CAMTA1: variants seen among roughly 807,000 people sequenced by gnomAD.
CAMTA1 encodes calmodulin-binding transcription activator 1.
CAMTA1 carries 27 observed loss-of-function variants against 170.9 expected under a neutral mutation model. That is an observed-to-expected ratio of 0.16 (90% confidence interval 0.12 to 0.22). The LOEUF is 0.22. Among genes scored for constraint, CAMTA1 ranks in the 10% least tolerant of loss-of-function variants. CAMTA1 has a pLI of 1.00. For missense variants in CAMTA1, 1,619 were observed against 2,217.2 expected, an observed-to-expected ratio of 0.73 and a Z score of 5.42; for synonymous variants, 833 against 891.5, an observed-to-expected ratio of 0.93 and a Z score of 1.17.
chr1:7,445,708 G>A (rs1410230286), intron 5 of CAMTA1, among the ~76,000 whole-genome samples: 3 of 152,238 alleles, frequency 2.0e-5, no homozygotes, highest in Admixed American at 6.5e-5. Flanking sequence ...CATGGTAGAA[G>A]AGTCTGGAAC....
chr1:7,414,550 G>A (rs1237423853), intron 5 of CAMTA1, among the ~76,000 whole-genome samples: 3 of 152,200 alleles, frequency 2.0e-5, no homozygotes, highest in Non-Finnish European at 4.4e-5. Context: ...TTGCGTAGAG[G>A]TGTTTGTAGT....
At chr1:7,122,714 C>T (rs542082911) in intron 4 of CAMTA1, among the ~76,000 whole-genome samples, 238 of 152,118 alleles carry the variant, frequency 1.6e-3, no homozygotes, top group Non-Finnish European at 2.7e-3. Flanking sequence ...GGCTCCACGT[C>T]TGATGCTGGA....
At chr1:7,337,144 C>A (rs964389645) in intron 5 of CAMTA1, among the ~76,000 whole-genome samples, 5 of 152,162 alleles carry the variant, frequency 3.3e-5, no homozygotes. Context: ...TTGGTGAGTC[C>A]GTAGTGGCCT....
At chr1:7,535,917 T>C (rs1348212486) in intron 6 of CAMTA1, among the ~76,000 whole-genome samples, 1 of 152,244 alleles carries the variant, frequency 6.6e-6, no homozygotes, top group Admixed American at 6.5e-5. Flanking sequence ...CTCCGGTCTT[T>C]TTGCTGTTGT....
At chr1:7,651,804 G>A (rs963643011) in intron 7 of CAMTA1, among the ~76,000 whole-genome samples, 4 of 152,268 alleles carry the variant, frequency 2.6e-5, no homozygotes, top group African/African-American at 4.8e-5. Context: ...AGTGCATGAG[G>A]GAAACAGCTG....
chr1:7,746,943 TTCC>T (rs1284793245), intron 18 of CAMTA1, among the ~76,000 whole-genome samples: 1 of 152,206 alleles, frequency 6.6e-6, no homozygotes, highest in Non-Finnish European at 1.5e-5. Context: ...AGCCTTGATT[TTCC>T]TATTCTACCT....
chr1:7,454,530 G>A (rs898220278), intron 5 of CAMTA1, among the ~76,000 whole-genome samples: 1 of 152,202 alleles, frequency 6.6e-6, no homozygotes, highest in Non-Finnish European at 1.5e-5. Flanking sequence ...ATGTGCAGGC[G>A]AGTTTCAAAC....
intron 5 of CAMTA1, among the ~76,000 whole-genome samples, chr1:7,297,167 C>T (rs965149032): frequency 5.9e-5 from 9 of 152,286 alleles, no homozygotes; most frequent in African/African-American, 2.2e-4. Context: ...CAATTTTAAT[C>T]CATGAACATG....
At chr1:7,107,278 A>ATGTGTATG (rs1643689632) in intron 4 of CAMTA1, among the ~76,000 whole-genome samples, 1 of 142,332 alleles carries the variant, frequency 7.0e-6, no homozygotes, top group African/African-American at 2.7e-5. Context: ...GTGTGTGTGC[A>ATGTGTATG]TGTGTGTGTG....
chr1:7,448,103 C>T (rs754895028), intron 5 of CAMTA1, among the ~76,000 whole-genome samples: 38 of 152,208 alleles, frequency 2.5e-4, no homozygotes, highest in Non-Finnish European at 4.9e-4. Context: ...GTTTGCAGAG[C>T]AGAGAGGGAG....
intron 3 of CAMTA1, among the ~76,000 whole-genome samples, chr1:6,884,538 A>G (rs944951364): frequency 2.0e-5 from 3 of 152,136 alleles, no homozygotes; most frequent in Non-Finnish European, 4.4e-5. Context: ...AGGTTAATGG[A>G]TGCCCCAATT....
At chr1:7,049,963 G>A (rs975428358) in intron 3 of CAMTA1, among the ~76,000 whole-genome samples, 8 of 152,160 alleles carry the variant, frequency 5.3e-5, no homozygotes, top group African/African-American at 1.7e-4. Context: ...TAAATGTCAC[G>A]AGCCCAGTGG....
chr1:7,326,836 T>C (rs558194388), intron 5 of CAMTA1, among the ~76,000 whole-genome samples: 1 of 151,450 alleles, frequency 6.6e-6, no homozygotes, highest in African/African-American at 2.4e-5. Context: ...AGGGAGTGAG[T>C]AGGAAAGAAC....
Position 7,399,332 on chromosome 1 carries a change from G to A in CAMTA1, c.439-68498G>A, listed in dbSNP as rs531749399. 3.3e-5 allele frequency among the ~76,000 whole-genome samples: 5 copies of A among 152,256 alleles called. 1 individual carries two copies. In the South Asian group the frequency reaches 1.0e-3, roughly 32 times the overall value. On this transcript the variant is annotated intron_variant, in intron 5 of 22. Coordinates refer to ENST00000303635, the MANE Select transcript of CAMTA1 (RefSeq NM_015215.4). ...GCTTCCATTTTCCTTCCTGCCATGA[G>A]TGGAAGCAGCCTGTAGCCCTCACCA...
intron 6 of CAMTA1, among the ~76,000 whole-genome samples, chr1:7,607,458 G>T (rs2095495346): frequency 6.6e-6 from 1 of 151,854 alleles, no homozygotes; most frequent in South Asian, 2.1e-4. Flanking sequence ...TGGATGGATG[G>T]ATGGGTGGAT....
At chr1:7,186,653 G>T (rs145888920) in intron 4 of CAMTA1, among the ~76,000 whole-genome samples, 35 of 152,278 alleles carry the variant, frequency 2.3e-4, no homozygotes, top group African/African-American at 7.2e-4. Context: ...GGGCTGGTTG[G>T]GGGGAGGGTA....
At chr1:7,219,853 C>T (rs1262454081) in intron 4 of CAMTA1, among the ~76,000 whole-genome samples, 1 of 152,038 alleles carries the variant, frequency 6.6e-6, no homozygotes, top group Non-Finnish European at 1.5e-5. Flanking sequence ...CTGGGCAACA[C>T]AGGGAGACCC....
intron 3 of CAMTA1, among the ~76,000 whole-genome samples, chr1:7,077,231 T>TTG (rs1553237654): frequency 2.7e-4 from 40 of 149,316 alleles, no homozygotes; most frequent in African/African-American, 9.8e-4. Flanking sequence ...AAGGTTTTTT[T>TTG]TTTTTTTTTT....
chr1:6,961,236 A>G (rs1164440288), intron 3 of CAMTA1, among the ~76,000 whole-genome samples: 1 of 152,210 alleles, frequency 6.6e-6, no homozygotes, highest in Non-Finnish European at 1.5e-5. Flanking sequence ...TAGCTAAATT[A>G]AGCTAAACAG....
Sources: allele counts gnomAD v4.1 joint callset (sites outside exome capture counted in the v4.1 genomes callset), GRCh38; gene constraint gnomAD v4.1.1; transcripts MANE v1.5; gene names NCBI Gene and HGNC (gene_info 2026-07-23, HGNC 2026-07-21).